The following LCK variants were observed in gnomAD, a reference collection of about 807,000 sequenced individuals.
LCK encodes the protein tyrosine-protein kinase Lck.
Under a neutral mutation model 64.6 loss-of-function variants are expected in LCK, and 14 were observed. That is an observed-to-expected ratio of 0.22 (90% CI 0.14 to 0.34). The LOEUF is 0.34. Ranked by LOEUF, LCK falls within the 10% of genes least tolerant of loss-of-function variation. The pLI, the probability that LCK is intolerant of heterozygous loss-of-function variation, is 1.00. For synonymous variants in LCK, 277 were observed against 263.6 expected (o/e 1.05, Z -0.49); for missense variants, 434 against 668.1 (o/e 0.65, Z 3.86).
In LCK at chr1:32,275,958, G is replaced by C. The variant is rs761356569; in HGVS notation, c.526G>C (p.Glu176Gln). The C allele has an allele frequency of 6.2e-7, 1 of 1,614,192 alleles. No individual in the cohort carries two copies. Among genetic ancestry groups the C allele is most frequent in the Non-Finnish European group, 8.5e-7 (1 of 1,180,022 alleles). The change falls in exon 7 of 13, where the codon GAG becomes CAG. Residue 176 changes from glutamate to glutamine, a missense_variant. By Grantham distance (29) the Glu-to-Gln change is conservative. Transcript: ENST00000336890. This position sits in a 1 kb window ranked among gnomAD's most constrained non-coding sequence, Gnocchi z 6.9. ...SVRDFDQNQG[E>Q]VVKHYKIRNL... The stretch of plus-strand genomic sequence containing the variant: ...CCGGGACTTCGACCAGAACCAGGGA[G>C]AGGTGGTGAAACATTACAAGATCCG...
In LCK at chr1:32,251,883, A is replaced by G. The variant is rs1177145989; in HGVS notation, c.-6+512A>G. Among the ~76,000 whole-genome samples, 2 of 143,874 alleles carry G rather than the reference A, an allele frequency of 1.4e-5. No individual in the cohort carries two copies. Among genetic ancestry groups the G allele is most frequent in the Non-Finnish European group, 3.0e-5 (2 of 66,470 alleles). 94.4% of individuals were successfully genotyped at this position (143,874 alleles called of 152,430 possible). ...TCTGGGGCAGACCCCAGTGACAAGAATCTCCTGAGAAAGAGAGAGAGAGAG... is the reference window on the plus strand; with the variant it reads ...TCTGGGGCAGACCCCAGTGACAAGAGTCTCCTGAGAAAGAGAGAGAGAGAG... On this transcript the variant is annotated intron_variant, in intron 1 of 12. Transcript: ENST00000336890. The surrounding 1 kb of genome is among the most constrained non-coding windows in gnomAD (Gnocchi z 4.0).
chr1:32,269,130 AAG>A (rs1049280118), intron 1 of LCK, among the ~76,000 whole-genome samples: 3 of 148,014 alleles, frequency 2.0e-5, no homozygotes, highest in African/African-American at 7.5e-5. Flanking sequence ...AAAAAAAGGA[AAG>A]AGAGAAAAGA....
chr1:32,269,126 A>G (rs930901112), intron 1 of LCK, among the ~76,000 whole-genome samples: 2 of 146,690 alleles, frequency 1.4e-5, no homozygotes, highest in African/African-American at 5.0e-5. Context: ...AAAAAAAAAA[A>G]GGAAAGAGAG....
chr1:32,258,616 T>TTCTACTAAAAAACACGTC (rs144735198), intron 1 of LCK, among the ~76,000 whole-genome samples: 15,557 of 149,632 alleles, frequency 0.1, 1,418 homozygotes, highest in East Asian at 0.23. Flanking sequence ...TAAAATTAGT[T>TTCTACTAAAAAACACGTC]TCTACTAAAA....
In LCK at chr1:32,275,653, G is replaced by C. The variant is rs1640239911; in HGVS notation, c.462G>C (p.Arg154=). 1.6e-5 allele frequency: 25 copies of C among 1,566,724 alleles called. No homozygotes were observed. Among genetic ancestry groups the C allele is most frequent in the Non-Finnish European group, 2.1e-5 (24 of 1,157,188 alleles). ...PGNTHGSFLI[R]ESESTAGSFS... ...ACACTCACGGCTCCTTCCTCATCCG[G>C]GAGAGCGAGAGCACCGCGGGTGAGC... Residue 154 remains arginine (R), a synonymous_variant, in exon 6 of 13, where the codon CGG becomes CGC. Coordinates refer to ENST00000336890, the MANE Select transcript of LCK (RefSeq NM_005356.5). This position sits in a 1 kb window ranked among gnomAD's most constrained non-coding sequence, Gnocchi z 6.9.
intron 12 of LCK, 125 bp downstream of exon 12, chr1:32,280,335 A>G: frequency 8.0e-7 from 1 of 1,247,644 alleles, no homozygotes; most frequent in East Asian, 2.6e-5. Context: ...TCTCAGGGGT[A>G]TGAGTCCAAC....
intron 1 of LCK, among the ~76,000 whole-genome samples, chr1:32,261,739 G>T (rs553933769): frequency 6.7e-6 from 1 of 150,292 alleles, no homozygotes; most frequent in East Asian, 2.0e-4. Context: ...AGATCATGAG[G>T]TCAGGAGTTT....
rs1193039805 is a variant in LCK, at chr1:32,275,616, T to C, written c.425T>C (p.Leu142Pro). The C allele has an allele frequency of 6.4e-7, 1 of 1,574,428 alleles. No homozygotes were observed. Among genetic ancestry groups the C allele is most frequent in the South Asian group, 1.2e-5 (1 of 86,372 alleles). Residue 142 changes from leucine (L) to proline (P), a missense_variant, in exon 6 of 13, where the codon CTG becomes CCG. Around this residue, in one of 2 missense-constraint regions of LCK, gnomAD observed 233 missense variants for 291.2 expected, o/e 0.80. Coordinates refer to ENST00000336890, the MANE Select transcript of LCK (RefSeq NM_005356.5). The surrounding 1 kb of genome is among the most constrained non-coding windows in gnomAD (Gnocchi z 6.9). Reference sequence around the variant, plus strand: ...CGCAAGGACGCGGAGCGGCAGCTCCTGGCGCCCGGGAACACTCACGGCTCC... The same window carrying C: ...CGCAAGGACGCGGAGCGGCAGCTCCCGGCGCCCGGGAACACTCACGGCTCC... ...LSRKDAERQL[L>P]APGNTHGSFL... is the part of the protein sequence containing the mutation.
intron 1 of LCK, among the ~76,000 whole-genome samples, chr1:32,252,497 C>A (rs1270440586): frequency 6.6e-6 from 1 of 152,236 alleles, no homozygotes; most frequent in African/African-American, 2.4e-5. Context: ...GCCTAGTCAG[C>A]TGGTCCCAGC....
At chr1:32,273,275 GGTGA>G (rs756487302) in intron 1 of LCK, among the ~76,000 whole-genome samples, 9 of 149,802 alleles carry the variant, frequency 6.0e-5, no homozygotes, top group African/African-American at 9.8e-5. Flanking sequence ...ACCTGTGAGG[GGTGA>G]GTGTGTGTGT....
At position 32,251,995 on chromosome 1, in the gene LCK, TC is replaced by T. The variant is rs1204388259; in HGVS notation, c.-6+625del. On this transcript the variant is annotated intron_variant, in intron 1 of 12. Coordinates refer to ENST00000336890, the MANE Select transcript of LCK (RefSeq NM_005356.5). The surrounding 1 kb of genome is among the most constrained non-coding windows in gnomAD (Gnocchi z 4.0). Reference sequence around the variant, plus strand: ...CGAGGAGTGATTTTAGCCTCAGCGATCGAGGGAAGAATCTCCTGATGGGCGT... The same window carrying T: ...CGAGGAGTGATTTTAGCCTCAGCGATGAGGGAAGAATCTCCTGATGGGCGT... Among the ~76,000 whole-genome samples, 1 of 149,898 alleles carries T rather than the reference TC, an allele frequency of 6.7e-6. No homozygotes were observed. The highest frequency in any genetic ancestry group is 6.6e-5 in the Admixed American group (1 of 15,048).
intron 1 of LCK, among the ~76,000 whole-genome samples, chr1:32,267,268 A>T (rs1273743605): frequency 8.5e-5 from 13 of 152,140 alleles, no homozygotes. Flanking sequence ...ACAGTAGGGG[A>T]AAGAGTGAAT....
intron 1 of LCK, among the ~76,000 whole-genome samples, chr1:32,254,217 T>C (rs902855708): frequency 6.6e-6 from 1 of 152,170 alleles, no homozygotes; most frequent in African/African-American, 2.4e-5. Flanking sequence ...AGCTAGATTC[T>C]GTCTCTAAAA....
At chr1:32,265,228 G>T (rs1356546025) in intron 1 of LCK, among the ~76,000 whole-genome samples, 1 of 151,834 alleles carries the variant, frequency 6.6e-6, no homozygotes, top group African/African-American at 2.4e-5. Flanking sequence ...AGTATGCAAT[G>T]AAGAAATAAA....
rs1037569126 is a variant in LCK, at chr1:32,280,290, G to T, written c.1327+80G>T. On this transcript the variant is annotated intron_variant, in intron 12 of 12. Coordinates refer to ENST00000336890, the MANE Select transcript of LCK (RefSeq NM_005356.5). ...TCCCATTCAATTCTTTCCAGTCTCA[G>T]AATCTGAAACTTTGTAGCTGCATCT... The T allele has an allele frequency of 7.0e-6, 11 of 1,573,628 alleles. No homozygotes were observed. In the African/African-American group the frequency reaches 9.5e-5, roughly 14 times the overall value.
chr1:32,275,226 T>G lies in LCK; in HGVS notation c.279-95T>G. On this transcript the variant is annotated intron_variant, in intron 4 of 12. Transcript: ENST00000336890. This position sits in a 1 kb window ranked among gnomAD's most constrained non-coding sequence, Gnocchi z 6.9. ...GAGGCTCAGTATTGCTGAGCCAGGG[T>G]TGGGGGAGGCTGGCTTAAGGGGTGG... 6.7e-7 allele frequency: 1 copy of G among 1,485,394 alleles called. No individual in the cohort carries two copies. The highest frequency in any genetic ancestry group is 9.4e-7 in the Non-Finnish European group (1 of 1,066,982). The allele number at this position is 1,485,394 out of a possible 1,614,324, so 92.0% of individuals were successfully genotyped here.
intron 1 of LCK, chr1:32,269,197 G>A (rs1264156436): frequency 1.3e-5 from 2 of 151,944 alleles, no homozygotes; most frequent in Non-Finnish European, 2.9e-5. Context: ...AGCACTTTGG[G>A]AGGCTGAGGT....
chr1:32,254,995 T>TA (rs568166200), intron 1 of LCK, among the ~76,000 whole-genome samples: 23 of 150,248 alleles, frequency 1.5e-4, no homozygotes, highest in Middle Eastern at 3.4e-3. Context: ...TTTAATTATT[T>TA]AAAAAAAAAA....
chr1:32,273,116 G>A (rs1208629114), intron 1 of LCK, among the ~76,000 whole-genome samples: 4 of 137,118 alleles, frequency 2.9e-5, no homozygotes, highest in African/African-American at 8.2e-5. Flanking sequence ...GTGTGTGTGG[G>A]TACGTGTGTG....
Sources: allele counts gnomAD v4.1 joint callset (sites outside exome capture counted in the v4.1 genomes callset), GRCh38; gene constraint gnomAD v4.1.1; regional missense constraint gnomAD v4.1.1; non-coding constraint Gnocchi (gnomAD v3.1); transcripts MANE v1.5; gene names NCBI Gene and HGNC (gene_info 2026-07-23, HGNC 2026-07-21).